Variants in KDM4C observed in about 807,000 individuals in gnomAD.
KDM4C encodes lysine demethylase 4C.
In KDM4C, 81 loss-of-function variants were observed where a neutral mutation model predicts 129.3. That is an observed-to-expected ratio of 0.63 (90% confidence interval 0.52 to 0.75). KDM4C has a LOEUF of 0.75. KDM4C is among the 30% of genes least tolerant of loss of function. The pLI, the probability that KDM4C is intolerant of heterozygous loss-of-function variation, is 0.00. For missense variants in KDM4C, 1,457 were observed against 1,304.0 expected, an observed-to-expected ratio of 1.12 and a Z score of -1.81; for synonymous variants, 573 against 456.1, an observed-to-expected ratio of 1.26 and a Z score of -3.26.
chr9:6,990,267 AT>A (rs1354903953), intron 11 of KDM4C, 148 bp from the exon 12 acceptor site: 2 of 628,784 alleles, frequency 3.2e-6, no homozygotes, highest in Non-Finnish European at 5.7e-6. Flanking sequence ...TTAAGTTTAA[AT>A]TTCTTAAAGG....
intron 8 of KDM4C, among the ~76,000 whole-genome samples, chr9:6,975,158 T>A (rs999300079): frequency 6.6e-6 from 1 of 152,202 alleles, no homozygotes; most frequent in African/African-American, 2.4e-5. Flanking sequence ...CCTGGCACAG[T>A]GAAGCCTGCA....
At chr9:6,924,417 C>T (rs953009808) in intron 8 of KDM4C, among the ~76,000 whole-genome samples, 14 of 152,208 alleles carry the variant, frequency 9.2e-5, no homozygotes, top group African/African-American at 2.7e-4. Context: ...CAGGAAATTA[C>T]AAGAGGAGGA....
intron 20 of KDM4C, among the ~76,000 whole-genome samples, chr9:7,167,058 T>C (rs1351886472): frequency 6.6e-6 from 1 of 152,238 alleles, no homozygotes; most frequent in Non-Finnish European, 1.5e-5. Context: ...ATCCTAGGCA[T>C]ATGCGTTTTT....
chr9:6,981,198 A>C (rs1483443468), intron 9 of KDM4C, 80 bp downstream of exon 9: 2 of 1,129,788 alleles, frequency 1.8e-6, no homozygotes, highest in African/African-American at 3.2e-5. Flanking sequence ...GTGGCAATTT[A>C]CTTGCTTTTT....
chr9:6,852,182 CTT>C (rs1246227638), intron 5 of KDM4C, among the ~76,000 whole-genome samples: 2 of 152,160 alleles, frequency 1.3e-5, no homozygotes, highest in Admixed American at 1.3e-4. Context: ...TTGAGGTAAA[CTT>C]TGTCATTATT....
At chr9:6,742,676 G>A (rs1456814847) in intron 1 of KDM4C, among the ~76,000 whole-genome samples, 1 of 69,476 alleles carries the variant, frequency 1.4e-5, no homozygotes, top group Non-Finnish European at 2.5e-5. Flanking sequence ...TTGGTGGGGT[G>A]GGGAATTTTT....
At chr9:6,980,902 T>A in intron 8 of KDM4C, 23 bp from the exon 9 acceptor site, 1 of 1,611,100 alleles carries the variant, frequency 6.2e-7, no homozygotes. Context: ...CGTTTAACAC[T>A]CTCCAACCCG....
intron 19 of KDM4C, among the ~76,000 whole-genome samples, chr9:7,135,850 G>C (rs1265888384): frequency 1.3e-5 from 2 of 152,196 alleles, no homozygotes; most frequent in Non-Finnish European, 2.9e-5. Flanking sequence ...GACAGTGGCA[G>C]ACATCTCTCA....
chr9:7,026,034 A>G (rs922277321), intron 15 of KDM4C, among the ~76,000 whole-genome samples: 2 of 152,032 alleles, frequency 1.3e-5, no homozygotes, highest in Admixed American at 6.6e-5. Context: ...GCAAAGCTCC[A>G]TCTGTACTAA....
intron 17 of KDM4C, among the ~76,000 whole-genome samples, chr9:7,051,671 A>C (rs1046540750): frequency 6.6e-6 from 1 of 152,112 alleles, no homozygotes; most frequent in Non-Finnish European, 1.5e-5. Flanking sequence ...TGCCAGTGTC[A>C]GTTTCAATAT....
intron 12 of KDM4C, among the ~76,000 whole-genome samples, chr9:6,999,950 A>G (rs1820431524): frequency 6.6e-6 from 1 of 152,228 alleles, no homozygotes; most frequent in African/African-American, 2.4e-5. Context: ...TACTTTCATA[A>G]TAAGCACATT....
At chr9:6,757,496 T>A (rs1335722299), upstream of KDM4C, 3 of 406,096 alleles carry the variant, frequency 7.4e-6, no homozygotes. Flanking sequence ...GGCTCAGTGG[T>A]CCCGGCCACC....
chr9:6,868,872 A>G (rs1416583007), intron 5 of KDM4C, among the ~76,000 whole-genome samples: 2 of 152,058 alleles, frequency 1.3e-5, no homozygotes, highest in African/African-American at 4.8e-5. Flanking sequence ...CTAATTTAGA[A>G]TACCTTTTTT....
intron 8 of KDM4C, among the ~76,000 whole-genome samples, chr9:6,979,247 T>C (rs183321582): frequency 1.3e-5 from 2 of 152,334 alleles, no homozygotes; most frequent in East Asian, 1.9e-4. Flanking sequence ...AAGATAATTA[T>C]GCAAGGTAAC....
intron 19 of KDM4C, among the ~76,000 whole-genome samples, chr9:7,146,042 A>C (rs1842187675): frequency 6.6e-6 from 1 of 152,224 alleles, no homozygotes; most frequent in African/African-American, 2.4e-5. Flanking sequence ...AACACTTACC[A>C]GTGCAGCCAG....
chr9:7,116,332 TA>T (rs1448764486), intron 18 of KDM4C, among the ~76,000 whole-genome samples: 1 of 119,428 alleles, frequency 8.4e-6, no homozygotes, highest in African/African-American at 3.1e-5. Flanking sequence ...AACTTTTAAT[TA>T]TACCTTAAAA....
At position 7,013,830 on chromosome 9, in the gene KDM4C, A is replaced by C. The variant is rs1215101738; in HGVS notation, c.2011A>C (p.Lys671Gln). The change falls in exon 14 of 22, where the codon AAA becomes CAA. Residue 671 changes from lysine (K) to glutamine (Q), a missense_variant. Lys to Gln is a moderately conservative substitution (Grantham distance 53). Transcript: ENST00000381309. ...NEENDARWETKLDEVVTSEGK... is the reference protein window; with the variant it reads ...NEENDARWETQLDEVVTSEGK... ...AGAAAATGATGCTAGATGGGAGACAAAATTAGATGAAGTCGTTACATCGGA... is the reference window on the plus strand; with the variant it reads ...AGAAAATGATGCTAGATGGGAGACACAATTAGATGAAGTCGTTACATCGGA... The C allele has an allele frequency of 6.2e-7, 1 of 1,614,030 alleles. No homozygotes were observed. Among genetic ancestry groups the C allele is most frequent in the Admixed American group, 1.7e-5 (1 of 60,030 alleles).
chr9:6,985,220 C>G (rs754929938), intron 10 of KDM4C, among the ~76,000 whole-genome samples: 1 of 152,100 alleles, frequency 6.6e-6, no homozygotes, highest in East Asian at 1.9e-4. Context: ...TAGAGTGATC[C>G]TTTAAAAGAA....
At chr9:6,878,849 T>G (rs1250389982) in intron 5 of KDM4C, among the ~76,000 whole-genome samples, 3 of 152,090 alleles carry the variant, frequency 2.0e-5, no homozygotes, top group Non-Finnish European at 4.4e-5. Context: ...TCTGGGTATA[T>G]TTGTGATGTA....
Sources: gnomAD v4.1 joint callset for allele counts (sites outside exome capture counted in the v4.1 genomes callset) on GRCh38, gnomAD v4.1.1 for gene constraint, MANE v1.5 for transcripts, NCBI Gene and HGNC (gene_info 2026-07-23, HGNC 2026-07-21) for gene names.